ZBTB10: variants seen among roughly 807,000 people sequenced by gnomAD.
The protein encoded by ZBTB10 is zinc finger and BTB domain-containing protein 10.
ZBTB10 carries 32 observed loss-of-function variants against 76.4 expected under a neutral mutation model. The ratio of observed to expected loss-of-function variants is 0.42; its 90% CI spans 0.32 to 0.56. The LOEUF is 0.56. Ranked by LOEUF, ZBTB10 falls within the 20% of genes least tolerant of loss-of-function variation. The pLI is 0.14. For missense variants in ZBTB10, 1,057 were observed against 1,098.5 expected (o/e 0.96, Z 0.53); for synonymous variants, 523 against 432.9 (o/e 1.21, Z -2.58).
chr8:80,522,285 T>G lies in ZBTB10; in HGVS notation c.*2757T>G, dbSNP rs1427209128. On this transcript the variant is annotated 3_prime_UTR_variant, in exon 6 of 6. Coordinates refer to ENST00000455036, the MANE Select transcript of ZBTB10 (RefSeq NM_001105539.3). ...ACAATGAAATACTCATAATTTTGTC[T>G]GTGGAACTCTGGCAGAATTATGTTA... 6.6e-6 allele frequency: 1 copy of G among 151,974 alleles called. No homozygotes were observed. Among genetic ancestry groups the G allele is most frequent in the African/African-American group, 2.4e-5 (1 of 41,442 alleles). The allele number at this position is 151,974 out of a possible 1,614,324, so 9.4% of individuals were successfully genotyped here. A position where few individuals can be genotyped will look rare whatever the true frequency, so the allele number is the denominator to read the frequency against.
chr8:80,487,582 T>C lies in ZBTB10; in HGVS notation c.772T>C (p.Phe258Leu), dbSNP rs750527239. 1 of 1,613,106 alleles carries C rather than the reference T, an allele frequency of 6.2e-7. No homozygotes were observed. Among genetic ancestry groups the C allele is most frequent in the Non-Finnish European group, 8.5e-7 (1 of 1,179,520 alleles). The change falls in exon 1 of 6, where the codon TTT (phenylalanine) becomes CTT (leucine). Residue 258 changes from phenylalanine (F) to leucine (L), a missense_variant. Around this residue, in one of 5 missense-constraint regions of ZBTB10, gnomAD observed 556 missense variants for 451.7 expected, o/e 1.23. Transcript: ENST00000455036. ...CSFQTSWLKD[F>L]PWLRYSKDTG... ...CTTCCAGACCTCCTGGCTCAAGGAC[T>C]TTCCCTGGCTGCGCTATTCCAAGGA...
Position 80,499,995 on chromosome 8 carries a change from T to C in ZBTB10, c.1474T>C (p.Ser492Pro), listed in dbSNP as rs763659566. The change falls in exon 2 of 6, where the codon TCA becomes CCA. Residue 492 changes from serine (S) to proline (P), a missense_variant. Ser to Pro is a moderately conservative substitution (Grantham distance 74, BLOSUM62 -1). This residue lies in a region of ZBTB10 where 306 missense variants were observed against 297.5 expected (regional missense o/e 1.03). Transcript: ENST00000455036. The stretch of plus-strand genomic sequence containing the variant: ...ACCAGTTAATAGAGATGGTCTGTCT[T>C]CATCACGGGATCAAAAAATTGCCAG... ...RKPVNRDGLS[S>P]SRDQKIASFW... is the part of the protein sequence containing the mutation. The C allele has an allele frequency of 6.2e-7, 1 of 1,613,950 alleles. No homozygotes were observed. The highest frequency in any genetic ancestry group is 8.5e-7 in the Non-Finnish European group (1 of 1,179,870).
chr8:80,515,464 A>G (rs980582211), intron 3 of ZBTB10, among the ~76,000 whole-genome samples: 3 of 152,178 alleles, frequency 2.0e-5, no homozygotes, highest in Non-Finnish European at 4.4e-5. Flanking sequence ...GTTTAAAAGA[A>G]TTTACAAAAC....
At position 80,487,556 on chromosome 8, in the gene ZBTB10, C is replaced by T; in HGVS notation, c.746C>T (p.Ser249Phe). The change falls in exon 1 of 6, where the codon TCC (serine) becomes TTC (phenylalanine). Residue 249 changes from serine to phenylalanine, a missense_variant. By Grantham distance (155) the Ser-to-Phe change is radical. Around this residue, in one of 5 missense-constraint regions of ZBTB10, gnomAD observed 556 missense variants for 451.7 expected, o/e 1.23. Transcript: ENST00000455036. ...PKSLMQKLQC[S>F]FQTSWLKDFP... ...TCTCTAATGCAGAAGCTCCAATGCT[C>T]CTTCCAGACCTCCTGGCTCAAGGAC... 2 of 1,606,482 alleles carry T rather than the reference C, an allele frequency of 1.2e-6. No homozygotes were observed. Among genetic ancestry groups the T allele is most frequent in the Non-Finnish European group, 8.5e-7 (1 of 1,176,376 alleles).
At chr8:80,511,692 C>A (rs7828232) in intron 2 of ZBTB10, among the ~76,000 whole-genome samples, 40,539 of 151,922 alleles carry the variant, frequency 0.27, 6,182 homozygotes, top group African/African-American at 0.42. Context: ...AAAACAAAAC[C>A]ACTAAATTTC....
chr8:80,507,926 ATAGT>A (rs1453737771), intron 2 of ZBTB10, among the ~76,000 whole-genome samples: 1 of 152,200 alleles, frequency 6.6e-6, no homozygotes. Context: ...AAAATAAATA[ATAGT>A]TAATGAGTTA....
upstream of ZBTB10, chr8:80,485,979 C>T: frequency 1.6e-6 from 2 of 1,230,524 alleles, no homozygotes; most frequent in Non-Finnish European, 1.1e-6. Flanking sequence ...CCCGCCCCCT[C>T]CCTGAGACCC....
intron 1 of ZBTB10, among the ~76,000 whole-genome samples, chr8:80,497,369 T>C (rs1815809929): frequency 6.6e-6 from 1 of 152,140 alleles, no homozygotes; most frequent in African/African-American, 2.4e-5. Context: ...ATGAATGGAC[T>C]TGTTTTGATT....
chr8:80,491,351 AC>A (rs1455202129), intron 1 of ZBTB10, among the ~76,000 whole-genome samples: 1 of 152,192 alleles, frequency 6.6e-6, no homozygotes, highest in East Asian at 1.9e-4. Context: ...AGTAGGTTAT[AC>A]CATCTAGGTT....
At chr8:80,488,086 A>G (rs551598275) in intron 1 of ZBTB10, among the ~76,000 whole-genome samples, 3 of 152,304 alleles carry the variant, frequency 2.0e-5, no homozygotes, top group African/African-American at 7.2e-5. Flanking sequence ...GTGAGGTTGA[A>G]GGTTTTAACC....
chr8:80,493,008 C>T (rs895696245), intron 1 of ZBTB10, among the ~76,000 whole-genome samples: 3 of 150,320 alleles, frequency 2.0e-5, no homozygotes, highest in Admixed American at 1.3e-4. Flanking sequence ...GAGGTCAGGA[C>T]TTCGAGACCA....
chr8:80,518,954 G>A lies in ZBTB10; in HGVS notation c.2310G>A (p.Leu770=), dbSNP rs1170124352. The change falls in exon 5 of 6, where the codon CTG becomes CTA. Residue 770 remains leucine, a splice_region_variant and synonymous_variant. Transcript: ENST00000455036. ...GAGAACATGTAAAAAGACATTCCCT[G>A]GTAAGTAACTTTAAATACAGCTGAT... The part of the protein sequence containing the change: ...TRREHVKRHS[L]VHKKDKKYKC... 1 of 1,590,248 alleles carries A rather than the reference G, an allele frequency of 6.3e-7. No individual in the cohort carries two copies. Among genetic ancestry groups the A allele is most frequent in the Non-Finnish European group, 8.6e-7 (1 of 1,167,434 alleles).
In ZBTB10 at chr8:80,487,046, C is replaced by T. The variant is rs749169552; in HGVS notation, c.236C>T (p.Ala79Val). The change falls in exon 1 of 6, where the codon GCC becomes GTC. Residue 79 changes from alanine (A) to valine (V), a missense_variant. By Grantham distance (64) the Ala-to-Val change is moderately conservative. Around this residue, in one of 5 missense-constraint regions of ZBTB10, gnomAD observed 556 missense variants for 451.7 expected, o/e 1.23. Coordinates refer to ENST00000455036, the MANE Select transcript of ZBTB10 (RefSeq NM_001105539.3). ...LEGLEPQDLEASAGPAAGAAE... is the reference protein window; with the variant it reads ...LEGLEPQDLEVSAGPAAGAAE... Reference sequence around the variant, plus strand: ...GGCCTGGAGCCCCAAGACCTGGAGGCCTCCGCCGGGCCGGCCGCCGGCGCC... The same window carrying T: ...GGCCTGGAGCCCCAAGACCTGGAGGTCTCCGCCGGGCCGGCCGCCGGCGCC... 1.1e-4 allele frequency: 162 copies of T among 1,518,494 alleles called. No individual in the cohort carries two copies. Among genetic ancestry groups the T allele is most frequent in the Non-Finnish European group, 1.4e-4 (155 of 1,139,900 alleles). 94.1% of individuals were successfully genotyped at this position (1,518,494 alleles called of 1,614,324 possible).
At chr8:80,493,207 G>GCGCGCACGCACA (rs375071529) in intron 1 of ZBTB10, among the ~76,000 whole-genome samples, 1 of 125,244 alleles carries the variant, frequency 8.0e-6, no homozygotes, top group Non-Finnish European at 1.7e-5. Flanking sequence ...GCGCGCGCGC[G>GCGCGCACGCACA]CACACACACA....
intron 1 of ZBTB10, among the ~76,000 whole-genome samples, chr8:80,490,837 C>T (rs998181982): frequency 3.3e-5 from 5 of 152,258 alleles, no homozygotes; most frequent in African/African-American, 9.6e-5. Context: ...TACTGCATGA[C>T]GTTCTCAAGG....
intron 2 of ZBTB10, among the ~76,000 whole-genome samples, chr8:80,505,310 A>T (rs1054137044): frequency 7.2e-5 from 11 of 152,118 alleles, no homozygotes; most frequent in Admixed American, 2.0e-4. Flanking sequence ...CTCCAGTGGG[A>T]TTTTTTTATG....
upstream of ZBTB10, chr8:80,486,064 G>T: frequency 1.1e-6 from 1 of 894,120 alleles, no homozygotes; most frequent in Non-Finnish European, 1.5e-6. Flanking sequence ...CCCGCCCCCA[G>T]GCCGGAGGCG....
chr8:80,517,057 AG>A (rs1816341254), intron 3 of ZBTB10, among the ~76,000 whole-genome samples: 1 of 152,188 alleles, frequency 6.6e-6, no homozygotes, highest in Non-Finnish European at 1.5e-5. Flanking sequence ...AGTGACTGAA[AG>A]GAAAGGGTGG....
At chr8:80,492,181 ATTAT>A in intron 1 of ZBTB10, among the ~76,000 whole-genome samples, 1 of 152,174 alleles carries the variant, frequency 6.6e-6, no homozygotes, top group East Asian at 1.9e-4. Context: ...TATATTTTAC[ATTAT>A]TTATAATTTA....
Sources: allele counts gnomAD v4.1 joint callset (sites outside exome capture counted in the v4.1 genomes callset), GRCh38; gene constraint gnomAD v4.1.1; regional missense constraint gnomAD v4.1.1; transcripts MANE v1.5; gene names NCBI Gene and HGNC (gene_info 2026-07-23, HGNC 2026-07-21).